The following DAGLA variants were observed in gnomAD, a reference collection of about 807,000 sequenced individuals.
DAGLA encodes the protein diacylglycerol lipase alpha.
DAGLA carries 22 observed loss-of-function variants against 102.6 expected under a neutral mutation model. The observed-to-expected ratio is 0.21, with a 90% CI of 0.15 to 0.31. The LOEUF is 0.31. Among genes scored for constraint, DAGLA ranks in the 10% least tolerant of loss-of-function variants. The probability of loss-of-function intolerance (pLI) is 1.00; values close to 1 mark genes in which losing one functional copy is unlikely to be tolerated. For missense variants in DAGLA, 927 were observed against 1,446.6 expected, an observed-to-expected ratio of 0.64 and a Z score of 5.83; for synonymous variants, 578 against 628.9, an observed-to-expected ratio of 0.92 and a Z score of 1.21.
chr11:61,736,495 C>T, intron 13 of DAGLA, 145 bp downstream of exon 13: 1 of 686,298 alleles, frequency 1.5e-6, no homozygotes, highest in South Asian at 1.8e-5. Flanking sequence ...AGCCTGGCTC[C>T]CAACCCCTCC....
Position 61,684,515 on chromosome 11 carries a change from A to T in DAGLA, c.-45+4011A>T, listed in dbSNP as rs985265652. Among the ~76,000 whole-genome samples the T allele has an allele frequency of 6.6e-6, 1 of 152,058 alleles. No homozygotes were observed. The highest frequency in any genetic ancestry group is 6.5e-5 in the Admixed American group (1 of 15,272). Reference sequence around the variant, plus strand: ...TGTGTGGGCAGGAAAGACCCAGGAAACTGCCTTATCTGTGAGGACCTCTTT... The same window carrying T: ...TGTGTGGGCAGGAAAGACCCAGGAATCTGCCTTATCTGTGAGGACCTCTTT... On this transcript the variant is annotated intron_variant, in intron 1 of 19. Transcript: ENST00000257215. This position sits in a 1 kb window ranked among gnomAD's most constrained non-coding sequence, Gnocchi z 4.5.
chr11:61,720,581 C>T, intron 2 of DAGLA, 98 bp from the exon 3 acceptor site: 1 of 1,145,050 alleles, frequency 8.7e-7, no homozygotes. Context: ...GCCAGCCCTC[C>T]TTCCACTGAA....
At position 61,734,718 on chromosome 11, in the gene DAGLA, T is replaced by A; in HGVS notation, c.975-131T>A. ...TTGGTGACGTGGGGGTCACTAGGAC[T>A]TAGCAAGGGCAATTTGGTAGAGGCA... is the stretch of plus-strand genomic sequence containing the variant. On this transcript the variant is annotated intron_variant, in intron 9 of 19. Transcript: ENST00000257215. This position sits in a 1 kb window ranked among gnomAD's most constrained non-coding sequence, Gnocchi z 4.2. 2 of 848,432 alleles carry A rather than the reference T, an allele frequency of 2.4e-6. No individual in the cohort carries two copies. Among genetic ancestry groups the A allele is most frequent in the Non-Finnish European group, 3.7e-6 (2 of 537,456 alleles). The allele number at this position is 848,432 out of a possible 1,614,324, so 52.6% of individuals were successfully genotyped here.
At chr11:61,703,718 A>ATGGATGG (rs1565250414) in intron 1 of DAGLA, among the ~76,000 whole-genome samples, 8 of 98,068 alleles carry the variant, frequency 8.2e-5, no homozygotes, top group African/African-American at 2.0e-4. Context: ...TGGATGGATG[A>ATGGATGG]ATGGATTGTA....
chr11:61,701,799 G>C (rs2065112117), intron 1 of DAGLA, among the ~76,000 whole-genome samples: 2 of 152,126 alleles, frequency 1.3e-5, no homozygotes, highest in Non-Finnish European at 2.9e-5. Flanking sequence ...TTTAGAGACA[G>C]GGTTTTGCTC....
intron 1 of DAGLA, among the ~76,000 whole-genome samples, chr11:61,708,524 G>C (rs950132766): frequency 1.3e-5 from 2 of 152,052 alleles, no homozygotes; most frequent in Non-Finnish European, 2.9e-5. Context: ...GGGACTACAG[G>C]CTCCCGCCAT....
At chr11:61,738,066 C>A in intron 15 of DAGLA, 69 bp from the exon 16 acceptor site, 1 of 1,303,244 alleles carries the variant, frequency 7.7e-7, no homozygotes, top group Non-Finnish European at 1.1e-6. Context: ...GCCCCTCCGC[C>A]CCTGGCCCCA....
intron 6 of DAGLA, among the ~76,000 whole-genome samples, chr11:61,727,701 C>T (rs990132969): frequency 2.0e-5 from 3 of 152,218 alleles, no homozygotes; most frequent in Non-Finnish European, 4.4e-5. Flanking sequence ...CTGGCAGGCT[C>T]CACAGAGGCC....
At chr11:61,716,158 C>T (rs1300141918) in intron 1 of DAGLA, among the ~76,000 whole-genome samples, 3 of 152,086 alleles carry the variant, frequency 2.0e-5, no homozygotes, top group Non-Finnish European at 4.4e-5. Context: ...CTGCAGCTGG[C>T]ACCCAGAGGT....
At chr11:61,723,359 C>T (rs1591043091) in intron 4 of DAGLA, 75 bp from the exon 5 acceptor site, 2 of 1,565,354 alleles carry the variant, frequency 1.3e-6, no homozygotes, top group East Asian at 2.3e-5. Context: ...GCTCCAATGT[C>T]CCTTTCTTCA....
intron 16 of DAGLA, 44 bp from the exon 17 acceptor site, chr11:61,739,421 G>A: frequency 6.3e-7 from 1 of 1,578,072 alleles, no homozygotes; most frequent in Non-Finnish European, 8.6e-7. Context: ...CCCAGCCAGT[G>A]CTACTTAGCT....
At chr11:61,720,362 G>A in intron 2 of DAGLA, 112 bp downstream of exon 2, 1 of 1,027,108 alleles carries the variant, frequency 9.7e-7, no homozygotes, top group Non-Finnish European at 1.5e-6. Flanking sequence ...ACCCTGTCAT[G>A]CCCCCAGCTG....
intron 8 of DAGLA, among the ~76,000 whole-genome samples, chr11:61,731,033 C>T (rs566055546): frequency 1.3e-5 from 2 of 152,340 alleles, no homozygotes; most frequent in South Asian, 4.1e-4. Flanking sequence ...AGGAAATGGA[C>T]CAAGTGATTT....
At chr11:61,730,725 G>A (rs198449) in intron 8 of DAGLA, among the ~76,000 whole-genome samples, 95,250 of 152,008 alleles carry the variant, frequency 0.63, 30,271 homozygotes, top group East Asian at 0.92. Flanking sequence ...AGAGATCCCA[G>A]TCTCCCACCA....
rs1158965337 is a variant in DAGLA, at chr11:61,746,940, T to C, written c.*2451T>C. ...ATTAATATAGCTTATTCTATAAATA[T>C]ATCTGTATATAAAGGTTTCTGTATA... On this transcript the variant is annotated 3_prime_UTR_variant, in exon 20 of 20. Coordinates refer to ENST00000257215, the MANE Select transcript of DAGLA (RefSeq NM_006133.3). The C allele has an allele frequency of 1.3e-5, 2 of 152,606 alleles. No individual in the cohort carries two copies. The highest frequency in any genetic ancestry group is 3.8e-4 in the East Asian group (2 of 5,208). 9.5% of individuals were successfully genotyped at this position (152,606 alleles called of 1,614,324 possible).
At chr11:61,701,450 G>A (rs973773464) in intron 1 of DAGLA, among the ~76,000 whole-genome samples, 1 of 152,196 alleles carries the variant, frequency 6.6e-6, no homozygotes, top group African/African-American at 2.4e-5. Flanking sequence ...GGCACCTGCT[G>A]TCTTCCTCTG....
At chr11:61,714,942 T>A (rs1462596576) in intron 1 of DAGLA, among the ~76,000 whole-genome samples, 2 of 152,204 alleles carry the variant, frequency 1.3e-5, no homozygotes, top group Admixed American at 1.3e-4. Context: ...CAGCATTTGC[T>A]GAGCAGTTAC....
intron 1 of DAGLA, among the ~76,000 whole-genome samples, chr11:61,689,672 T>G (rs1009153276): frequency 9.2e-6 from 1 of 108,272 alleles, no homozygotes; most frequent in Non-Finnish European, 2.2e-5. Flanking sequence ...GCCCGGCTAA[T>G]TTTTTGTATT....
intron 1 of DAGLA, among the ~76,000 whole-genome samples, chr11:61,718,426 C>T (rs1457410780): frequency 6.6e-6 from 1 of 152,150 alleles, no homozygotes; most frequent in Non-Finnish European, 1.5e-5. Flanking sequence ...AGGGAGGGGG[C>T]GGCAATACCA....
Sources: gnomAD v4.1 joint callset for allele counts (sites outside exome capture counted in the v4.1 genomes callset) on GRCh38, gnomAD v4.1.1 for gene constraint, Gnocchi (gnomAD v3.1) non-coding constraint, MANE v1.5 for transcripts, NCBI Gene and HGNC (gene_info 2026-07-23, HGNC 2026-07-21) for gene names.